CES1: variants seen among roughly 807,000 people sequenced by gnomAD.
CES1 encodes liver carboxylesterase 1.
In CES1, 50 loss-of-function variants were observed where a neutral mutation model predicts 53.0. The ratio of observed to expected loss-of-function variants is 0.94; its 90% CI spans 0.75 to 1.19. The LOEUF (loss-of-function observed/expected upper bound fraction) is 1.19, where lower values mean the gene tolerates loss of function less well. Among genes scored for constraint, CES1 ranks in the 50% most tolerant of loss-of-function variants. The pLI, the probability that CES1 is intolerant of heterozygous loss-of-function variation, is 0.00. For synonymous variants in CES1, 202 were observed against 210.1 expected, an observed-to-expected ratio of 0.96 and a Z score of 0.33; for missense variants, 534 against 538.0, an observed-to-expected ratio of 0.99 and a Z score of 0.07.
intron 8 of CES1, among the ~76,000 whole-genome samples, chr16:55,816,698 G>A (rs1330284694): frequency 6.6e-6 from 1 of 152,198 alleles, no homozygotes; most frequent in Non-Finnish European, 1.5e-5. Context: ...ACACAGAGGT[G>A]ATGCCTGGGA....
At chr16:55,828,396 C>A (rs533617748) in intron 2 of CES1, among the ~76,000 whole-genome samples, 2 of 152,222 alleles carry the variant, frequency 1.3e-5, no homozygotes, top group African/African-American at 4.8e-5. Flanking sequence ...ATCTCCCTCA[C>A]CTGCTTAACT....
intron 7 of CES1, 105 bp downstream of exon 7, chr16:55,819,430 T>G: frequency 1.2e-6 from 1 of 846,574 alleles, no homozygotes; most frequent in Non-Finnish European, 2.0e-6. Context: ...ATACTGAGAG[T>G]TGAGAAATTG....
intron 7 of CES1, among the ~76,000 whole-genome samples, chr16:55,818,090 A>G (rs28698222): frequency 0.83 from 126,432 of 151,644 alleles, 52,903 homozygotes; most frequent in African/African-American, 0.85. Context: ...GAGTCCAGTG[A>G]TAGAGGCCAG....
chr16:55,831,829 G>A (rs563637138), intron 1 of CES1, among the ~76,000 whole-genome samples: 14 of 151,286 alleles, frequency 9.3e-5, no homozygotes, highest in Admixed American at 2.6e-4. Flanking sequence ...CGTGATTTTC[G>A]GGTTGACCCT....
intron 1 of CES1, among the ~76,000 whole-genome samples, 161 bp from the exon 2 acceptor site, chr16:55,829,135 C>T (rs2142355244): frequency 6.6e-6 from 1 of 152,266 alleles, no homozygotes; most frequent in South Asian, 2.1e-4. Flanking sequence ...GATCAATGTC[C>T]TCCCTAACCC....
At position 55,810,795 on chromosome 16, in the gene CES1, T is replaced by C; in HGVS notation, c.1171-131A>G. ...CTCCCCGCTAGGGTGGAAAATGAAG[T>C]GGGAAAGGTGGAAAGATGGGGGAAA... On this transcript the variant is annotated intron_variant, in intron 10 of 13. Coordinates refer to ENST00000360526, the MANE Select transcript of CES1 (RefSeq NM_001025195.2). 3.5e-6 allele frequency: 5 copies of C among 1,417,460 alleles called. No homozygotes were observed. The South Asian group carries it at 5.7e-5, about 16-fold the overall frequency. The allele number at this position is 1,417,460 out of a possible 1,614,324, so 87.8% of individuals were successfully genotyped here. A position where few individuals can be genotyped will look rare whatever the true frequency, so the allele number is the denominator to read the frequency against.
rs1441805197 is a variant in CES1 at position 55,810,854 on chromosome 16, T to C, written c.1170+73A>G. ...CCCCAGTCTTCATTCTGCCATTTAA[T>C]TGCTCTATGATTTGGGCAAGTCCTT... On this transcript the variant is annotated intron_variant, in intron 10 of 13. Coordinates refer to ENST00000360526, the MANE Select transcript of CES1 (RefSeq NM_001025195.2). The C allele has an allele frequency of 2.7e-6, 4 of 1,454,548 alleles. No homozygotes were observed. In the Admixed American group the frequency reaches 6.8e-5, roughly 25 times the overall value. The allele number at this position is 1,454,548 out of a possible 1,614,324, so 90.1% of individuals were successfully genotyped here. A position where few individuals can be genotyped will look rare whatever the true frequency, so the allele number is the denominator to read the frequency against.
chr16:55,831,548 A>G (rs2032674134), intron 1 of CES1, among the ~76,000 whole-genome samples: 1 of 150,612 alleles, frequency 6.6e-6, no homozygotes, highest in South Asian at 2.1e-4. Context: ...ATCTTCAAAT[A>G]AGCCTTGCTG....
At chr16:55,815,096 C>T (rs2031881057) in intron 8 of CES1, among the ~76,000 whole-genome samples, 1 of 152,202 alleles carries the variant, frequency 6.6e-6, no homozygotes, top group South Asian at 2.1e-4. Context: ...ACAGTGGGAA[C>T]CGCATGAGCA....
chr16:55,809,938 T>A (rs2031614017), intron 11 of CES1, among the ~76,000 whole-genome samples: 2 of 152,314 alleles, frequency 1.3e-5, no homozygotes, highest in Non-Finnish European at 2.9e-5. Flanking sequence ...CTCACCTATA[T>A]CCCCTCTTCC....
chr16:55,811,758 C>T (rs1456553716), intron 9 of CES1, among the ~76,000 whole-genome samples: 22 of 150,112 alleles, frequency 1.5e-4, no homozygotes, highest in Non-Finnish European at 3.0e-4. Context: ...ACTTTCTCTG[C>T]CCTTTGGGAT....
chr16:55,828,756 C>T lies in CES1; in HGVS notation c.260+11G>A. 1.9e-6 allele frequency: 3 copies of T among 1,614,224 alleles called. No homozygotes were observed. The highest frequency in any genetic ancestry group is 2.2e-5 in the South Asian group (2 of 91,080). On this transcript the variant is annotated intron_variant, in intron 2 of 13. Coordinates refer to ENST00000360526, the MANE Select transcript of CES1 (RefSeq NM_001025195.2). Reference sequence around the variant, plus strand: ...AGGTAAACATCCCCAAGGACACATGCCGCAGCTTACATAGGAGGGTACGAG... The same window carrying T: ...AGGTAAACATCCCCAAGGACACATGTCGCAGCTTACATAGGAGGGTACGAG...
intron 4 of CES1, among the ~76,000 whole-genome samples, chr16:55,821,938 T>C (rs1232086570): frequency 2.6e-5 from 4 of 152,196 alleles, no homozygotes; most frequent in Non-Finnish European, 4.4e-5. Context: ...CCATTTCAGA[T>C]CCCAATCAGG....
At chr16:55,822,998 G>A (rs1306961253) in intron 4 of CES1, among the ~76,000 whole-genome samples, 1 of 152,038 alleles carries the variant, frequency 6.6e-6, no homozygotes, top group Non-Finnish European at 1.5e-5. Context: ...CTCCATCCTT[G>A]CTTCCCACAC....
chr16:55,814,519 T>C (rs1168621964), intron 8 of CES1, among the ~76,000 whole-genome samples: 8 of 152,262 alleles, frequency 5.3e-5, no homozygotes, highest in Admixed American at 4.6e-4. Flanking sequence ...AAGAGGTGAG[T>C]TATTGTGAGG....
At chr16:55,825,086 G>A (rs1163309380) in intron 3 of CES1, among the ~76,000 whole-genome samples, 2 of 152,238 alleles carry the variant, frequency 1.3e-5, no homozygotes, top group African/African-American at 4.8e-5. Flanking sequence ...ATCCTTGAAG[G>A]CAGGGGCTGT....
At chr16:55,817,832 C>T (rs1597076185) in intron 7 of CES1, among the ~76,000 whole-genome samples, 1 of 152,002 alleles carries the variant, frequency 6.6e-6, no homozygotes, top group South Asian at 2.1e-4. Flanking sequence ...GGAGGTGCTT[C>T]CACAAGATCT....
At position 55,826,223 on chromosome 16, in the gene CES1, G is replaced by T. The variant is rs2032410616; in HGVS notation, c.333C>A (p.Leu111=). The stretch of plus-strand genomic sequence containing the variant: ...GGTAAAGACAGTCTTCAGAAAGCTT[G>T]AGAGGAATGTTCTCCTTTCGGTTTG... ...LFTNRKENIP[L]KLSEDCLYLN... Residue 111 remains leucine, a synonymous_variant, in exon 3 of 14, where the codon CTC becomes CTA. Transcript: ENST00000360526. 6.2e-6 allele frequency: 10 copies of T among 1,613,966 alleles called. No individual in the cohort carries two copies. The highest frequency in any genetic ancestry group is 8.5e-6 in the Non-Finnish European group (10 of 1,179,830).
chr16:55,812,787 G>A, intron 9 of CES1, 116 bp downstream of exon 9: 1 of 1,452,068 alleles, frequency 6.9e-7, no homozygotes, highest in Non-Finnish European at 9.6e-7. Context: ...TCCTGCTGAA[G>A]GGAACAGCTG....
Sources: allele counts gnomAD v4.1 joint callset (sites outside exome capture counted in the v4.1 genomes callset), GRCh38; gene constraint gnomAD v4.1.1; transcripts MANE v1.5; gene names NCBI Gene and HGNC (gene_info 2026-07-23, HGNC 2026-07-21).